HNF1B: variants seen among roughly 807,000 people sequenced by gnomAD.
The protein encoded by HNF1B is HNF1 homeobox B.
Under a neutral mutation model 61.7 loss-of-function variants are expected in HNF1B, and 8 were observed. That is an observed-to-expected ratio of 0.13 (90% CI 0.08 to 0.23). The LOEUF (loss-of-function observed/expected upper bound fraction) is 0.23, where lower values mean the gene tolerates loss of function less well. Among genes scored for constraint, HNF1B ranks in the 10% least tolerant of loss-of-function variants. HNF1B has a pLI of 1.00. For synonymous variants in HNF1B, 314 were observed against 287.7 expected, an observed-to-expected ratio of 1.09 and a Z score of -0.93; for missense variants, 562 against 714.5, an observed-to-expected ratio of 0.79 and a Z score of 2.43.
intron 2 of HNF1B, among the ~76,000 whole-genome samples, chr17:37,737,121 G>T (rs1384086858): frequency 6.6e-6 from 1 of 152,148 alleles, no homozygotes; most frequent in African/African-American, 2.4e-5. Flanking sequence ...TTGTAATCAT[G>T]TATCATTTTT....
intron 2 of HNF1B, among the ~76,000 whole-genome samples, chr17:37,738,758 A>T (rs952552011): frequency 1.3e-5 from 2 of 152,202 alleles, no homozygotes; most frequent in Admixed American, 6.5e-5. Flanking sequence ...GGGAATGGGG[A>T]TGACAAGAAT....
chr17:37,706,064 T>G (rs1402836009), intron 5 of HNF1B, among the ~76,000 whole-genome samples: 1 of 152,102 alleles, frequency 6.6e-6, no homozygotes, highest in Non-Finnish European at 1.5e-5. Flanking sequence ...GTTCAAGCAA[T>G]TCTCCTGCCT....
chr17:37,733,880 A>G (rs1450561999), intron 2 of HNF1B, 59 bp from the exon 3 acceptor site: 1 of 1,573,310 alleles, frequency 6.4e-7, no homozygotes, highest in Non-Finnish European at 8.7e-7. Context: ...GCAGACAGAC[A>G]GACAGACAGA....
chr17:37,735,004 G>T (rs984496018), intron 2 of HNF1B, among the ~76,000 whole-genome samples: 6 of 151,868 alleles, frequency 4.0e-5, no homozygotes, highest in Non-Finnish European at 8.8e-5. Context: ...TGGGCAGGCT[G>T]GTCTCAAACT....
At chr17:37,709,073 G>T (rs1402989099) in intron 5 of HNF1B, among the ~76,000 whole-genome samples, 1 of 152,022 alleles carries the variant, frequency 6.6e-6, no homozygotes, top group Non-Finnish European at 1.5e-5. Context: ...GGGAATCTGC[G>T]GCTCCTCCCT....
intron 3 of HNF1B, among the ~76,000 whole-genome samples, chr17:37,732,394 G>A (rs1384720286): frequency 6.6e-6 from 1 of 152,204 alleles, no homozygotes; most frequent in Non-Finnish European, 1.5e-5. Context: ...CTCAAAACCA[G>A]GTGCGAGAGA....
At chr17:37,701,472 G>A (rs547211542) in intron 6 of HNF1B, among the ~76,000 whole-genome samples, 11 of 152,284 alleles carry the variant, frequency 7.2e-5, no homozygotes, top group African/African-American at 2.6e-4. Flanking sequence ...AGGTTACCAG[G>A]GCTTTGGAAA....
intron 5 of HNF1B, among the ~76,000 whole-genome samples, chr17:37,708,939 C>T (rs545054492): frequency 5.7e-4 from 87 of 152,260 alleles, no homozygotes; most frequent in Middle Eastern, 3.4e-3. Flanking sequence ...TGTGACTCAC[C>T]GTTTCTGTGT....
intron 8 of HNF1B, among the ~76,000 whole-genome samples, chr17:37,688,885 G>A (rs900312233): frequency 1.3e-5 from 2 of 152,112 alleles, no homozygotes; most frequent in South Asian, 2.1e-4. Flanking sequence ...AGTGCCTCAC[G>A]CCTGTAATCC....
At chr17:37,707,089 C>T (rs893831177) in intron 5 of HNF1B, among the ~76,000 whole-genome samples, 2 of 151,724 alleles carry the variant, frequency 1.3e-5, no homozygotes, top group African/African-American at 4.8e-5. Flanking sequence ...AAGTTACTTC[C>T]CATTCTAAAA....
chr17:37,729,305 C>T (rs887702278), intron 4 of HNF1B: 2 of 152,138 alleles, frequency 1.3e-5, no homozygotes, highest in African/African-American at 4.8e-5. Context: ...CACAATCTCA[C>T]AACTGTAATC....
rs1568628463 is a variant in HNF1B at position 37,687,336 on chromosome 17, C to T, written c.*36G>A. On this transcript the variant is annotated 3_prime_UTR_variant, in exon 9 of 9. Transcript: ENST00000617811. Reference sequence around the variant, plus strand: ...GGGTGATGGTGTGGAAAACAGGGTCCTTGTTGTTGCGCACGAAGTAAGTGG... The same window carrying T: ...GGGTGATGGTGTGGAAAACAGGGTCTTTGTTGTTGCGCACGAAGTAAGTGG... The T allele has an allele frequency of 1.9e-6, 3 of 1,614,064 alleles. No homozygotes were observed. Among genetic ancestry groups the T allele is most frequent in the Non-Finnish European group, 2.5e-6 (3 of 1,180,028 alleles).
chr17:37,700,152 T>G lies in HNF1B; in HGVS notation c.1534+831A>C, dbSNP rs538413325. Reference sequence around the variant, plus strand: ...AGGATTTAAATCCAGGTCTGTCTGATCTAAGACTAGTGCTTTATACTGAAC... The same window carrying G: ...AGGATTTAAATCCAGGTCTGTCTGAGCTAAGACTAGTGCTTTATACTGAAC... On this transcript the variant is annotated intron_variant, in intron 7 of 8. Coordinates refer to ENST00000617811, the MANE Select transcript of HNF1B (RefSeq NM_000458.4). Among the ~76,000 whole-genome samples the G allele has an allele frequency of 2.6e-5, 4 of 152,344 alleles. No homozygotes were observed. In the South Asian group the frequency reaches 8.3e-4, roughly 32 times the overall value.
chr17:37,702,265 T>C (rs1392598846), intron 6 of HNF1B, among the ~76,000 whole-genome samples: 1 of 152,170 alleles, frequency 6.6e-6, no homozygotes, highest in East Asian at 1.9e-4. Flanking sequence ...ATAGGCAGGT[T>C]TGAGGGAAGT....
chr17:37,742,201 T>A (rs560501317), intron 1 of HNF1B, among the ~76,000 whole-genome samples: 1 of 152,228 alleles, frequency 6.6e-6, no homozygotes, highest in Non-Finnish European at 1.5e-5. Flanking sequence ...TCCAGCGCAG[T>A]CCGCAGCGCG....
chr17:37,738,436 G>T (rs1173260886), intron 2 of HNF1B, among the ~76,000 whole-genome samples: 1 of 152,124 alleles, frequency 6.6e-6, no homozygotes, highest in Non-Finnish European at 1.5e-5. Context: ...AAAAGCAACA[G>T]GGAAAAAACC....
intron 8 of HNF1B, among the ~76,000 whole-genome samples, chr17:37,696,070 G>C (rs12449654): frequency 0.29 from 43,965 of 152,014 alleles, 6,745 homozygotes; most frequent in Admixed American, 0.36. Context: ...TGTTGGAGGT[G>C]GGGCTCAGTG....
chr17:37,689,077 G>A (rs1568629772), intron 8 of HNF1B, among the ~76,000 whole-genome samples: 3 of 151,360 alleles, frequency 2.0e-5, no homozygotes, highest in Non-Finnish European at 2.9e-5. Context: ...CCCAGGAGGC[G>A]GAGGTTGTGG....
intron 3 of HNF1B, among the ~76,000 whole-genome samples, chr17:37,732,342 A>G (rs2033712802): frequency 6.6e-6 from 1 of 152,194 alleles, no homozygotes; most frequent in Admixed American, 6.5e-5. Context: ...AGCAGGGTGC[A>G]TTGAGATGGC....
Sources: gnomAD v4.1 joint callset for allele counts (sites outside exome capture counted in the v4.1 genomes callset) on GRCh38, gnomAD v4.1.1 for gene constraint, MANE v1.5 for transcripts, NCBI Gene and HGNC (gene_info 2026-07-23, HGNC 2026-07-21) for gene names.